ECT2L: variants seen among roughly 807,000 people sequenced by gnomAD.
ECT2L encodes epithelial cell transforming 2 like.
ECT2L carries 126 observed loss-of-function variants against 122.8 expected under a neutral mutation model. The ratio of observed to expected loss-of-function variants is 1.03; its 90% CI spans 0.89 to 1.19. The LOEUF (loss-of-function observed/expected upper bound fraction) is 1.19. Ranked by LOEUF, ECT2L falls within the 50% of genes most tolerant of loss-of-function variation. The pLI is 0.00. For missense variants in ECT2L, 1,012 were observed against 1,064.1 expected, an observed-to-expected ratio of 0.95 and a Z score of 0.68; for synonymous variants, 385 against 381.8, an observed-to-expected ratio of 1.01 and a Z score of -0.10.
chr6:138,844,921 C>G (rs1777170403), intron 7 of ECT2L, among the ~76,000 whole-genome samples: 1 of 151,468 alleles, frequency 6.6e-6, no homozygotes, highest in African/African-American at 2.4e-5. Flanking sequence ...TGCCACTGAG[C>G]CCAGCTTTAC....
At chr6:138,827,416 A>G (rs1190585334) in intron 4 of ECT2L, among the ~76,000 whole-genome samples, 1 of 152,208 alleles carries the variant, frequency 6.6e-6, no homozygotes, top group Admixed American at 6.5e-5. Context: ...TAGCAACACA[A>G]GAAGGGCCTA....
intron 14 of ECT2L, among the ~76,000 whole-genome samples, chr6:138,878,594 G>A (rs1778544460): frequency 6.6e-6 from 1 of 152,036 alleles, no homozygotes; most frequent in South Asian, 2.1e-4. Flanking sequence ...TTACAGGCAT[G>A]TGCTACCACA....
intron 6 of ECT2L, 145 bp downstream of exon 6, chr6:138,843,376 G>A (rs1461596580): frequency 2.6e-6 from 2 of 780,164 alleles, no homozygotes; most frequent in Non-Finnish European, 3.8e-6. Flanking sequence ...GCTTTTTTCC[G>A]TACTGTATAT....
At chr6:138,874,717 G>T (rs910464916) in intron 13 of ECT2L, among the ~76,000 whole-genome samples, 1 of 152,128 alleles carries the variant, frequency 6.6e-6, no homozygotes, top group South Asian at 2.1e-4. Context: ...ATTGTGTGCT[G>T]TTTGGGTTAT....
intron 15 of ECT2L, among the ~76,000 whole-genome samples, chr6:138,882,401 T>A (rs1230149143): frequency 1.3e-5 from 2 of 152,180 alleles, no homozygotes; most frequent in East Asian, 1.9e-4. Context: ...CTCTACAAAC[T>A]GTAAGAACTT....
chr6:138,796,573 T>C (rs1360754747), intron 1 of ECT2L, among the ~76,000 whole-genome samples: 1 of 144,528 alleles, frequency 6.9e-6, no homozygotes, highest in Non-Finnish European at 1.5e-5. Context: ...TTTCCTCCTA[T>C]GGGGTCCAAA....
intron 13 of ECT2L, among the ~76,000 whole-genome samples, chr6:138,873,830 C>T (rs1046128984): frequency 4.0e-5 from 6 of 150,660 alleles, no homozygotes; most frequent in Non-Finnish European, 8.8e-5. Flanking sequence ...CAAACCCTCC[C>T]AGAGAGGCTT....
chr6:138,862,940 C>T (rs966170828), intron 11 of ECT2L, among the ~76,000 whole-genome samples: 1 of 152,182 alleles, frequency 6.6e-6, no homozygotes, highest in African/African-American at 2.4e-5. Context: ...TGCCCCAAAT[C>T]ATCATTTTCA....
intron 1 of ECT2L, among the ~76,000 whole-genome samples, chr6:138,809,316 C>T (rs529581218): frequency 6.6e-6 from 1 of 152,204 alleles, no homozygotes; most frequent in South Asian, 2.1e-4. Flanking sequence ...AATCCCAGCA[C>T]TTTGGGAGGC....
chr6:138,859,984 G>A (rs896842214), intron 10 of ECT2L, among the ~76,000 whole-genome samples: 3 of 151,706 alleles, frequency 2.0e-5, no homozygotes, highest in African/African-American at 4.8e-5. Flanking sequence ...CACCATGCCC[G>A]GCTAATTTTT....
intron 7 of ECT2L, among the ~76,000 whole-genome samples, chr6:138,845,229 C>T (rs1188872164): frequency 2.0e-5 from 3 of 148,206 alleles, no homozygotes; most frequent in Non-Finnish European, 4.4e-5. Flanking sequence ...TTCTTTTTAA[C>T]TTTTAACTTT....
chr6:138,803,255 TA>T (rs542418813), intron 1 of ECT2L, among the ~76,000 whole-genome samples: 142 of 137,040 alleles, frequency 1.0e-3, no homozygotes, highest in Admixed American at 9.6e-4. Flanking sequence ...ATCCCAACTC[TA>T]AAAAAAAAAA....
intron 1 of ECT2L, among the ~76,000 whole-genome samples, chr6:138,797,234 CTTTCA>C (rs1262929302): frequency 6.6e-6 from 1 of 152,086 alleles, no homozygotes; most frequent in Non-Finnish European, 1.5e-5. Flanking sequence ...CTGGAATTGT[CTTTCA>C]TTTCTGTTTT....
intron 1 of ECT2L, among the ~76,000 whole-genome samples, chr6:138,809,005 G>T (rs1775803419): frequency 6.6e-6 from 1 of 152,070 alleles, no homozygotes; most frequent in African/African-American, 2.4e-5. Flanking sequence ...GGGATTACAG[G>T]CGTGAGCCAC....
chr6:138,859,973 C>T (rs1463251689), intron 10 of ECT2L, among the ~76,000 whole-genome samples: 1 of 152,028 alleles, frequency 6.6e-6, no homozygotes, highest in African/African-American at 2.4e-5. Flanking sequence ...CAGATGCCCG[C>T]CACCATGCCC....
chr6:138,891,645 G>A lies in ECT2L; in HGVS notation c.2414+2614G>A, dbSNP rs772688590. Among the ~76,000 whole-genome samples, 8 of 152,176 alleles carry A rather than the reference G, an allele frequency of 5.3e-5. No individual in the cohort carries two copies. The East Asian group carries it at 1.5e-3, about 29-fold the overall frequency. ...GCTGTCCCATCTTTCTGGATCAAAT[G>A]AATGTATACCTTACATATATTGATT... On this transcript the variant is annotated intron_variant, in intron 20 of 21. Transcript: ENST00000541398.
rs1320843868 is a variant in ECT2L at position 138,898,138 on chromosome 6, A to G, written c.2415-2810A>G. On this transcript the variant is annotated intron_variant, in intron 20 of 21. Coordinates refer to ENST00000541398, the MANE Select transcript of ECT2L (RefSeq NM_001077706.3). ...ATTCTTTTGCCTATTCAAAATGGCT[A>G]CTCACCACAGACTGCCCATCACAGA... Among the ~76,000 whole-genome samples the G allele has an allele frequency of 2.6e-5, 4 of 152,046 alleles. No individual in the cohort carries two copies. In the East Asian group the frequency reaches 7.7e-4, roughly 29 times the overall value.
intron 11 of ECT2L, among the ~76,000 whole-genome samples, chr6:138,863,176 A>G (rs1253663356): frequency 6.6e-6 from 1 of 152,216 alleles, no homozygotes; most frequent in Non-Finnish European, 1.5e-5. Context: ...CCTGAAAGCA[A>G]ACTTTCATTT....
intron 11 of ECT2L, among the ~76,000 whole-genome samples, chr6:138,863,203 A>G (rs907564659): frequency 4.6e-5 from 7 of 152,226 alleles, no homozygotes; most frequent in African/African-American, 1.7e-4. Flanking sequence ...TAAAGCTGCA[A>G]ATTTAGATTA....
Sources: gnomAD v4.1 joint callset for allele counts (sites outside exome capture counted in the v4.1 genomes callset) on GRCh38, gnomAD v4.1.1 for gene constraint, MANE v1.5 for transcripts, NCBI Gene and HGNC (gene_info 2026-07-23, HGNC 2026-07-21) for gene names.